FILIP1L: variants seen among roughly 807,000 people sequenced by gnomAD.
FILIP1L encodes filamin A interacting protein 1 like.
A neutral mutation model predicts 96.6 loss-of-function variants in FILIP1L; 55 were observed. The ratio of observed to expected loss-of-function variants is 0.57; its 90% CI spans 0.46 to 0.71. The LOEUF is 0.71. Among genes scored for constraint, FILIP1L ranks in the 30% least tolerant of loss-of-function variants. FILIP1L has a pLI of 0.00. For synonymous variants in FILIP1L, 467 were observed against 473.9 expected (o/e 0.99, Z 0.19); for missense variants, 1,304 against 1,321.2 (o/e 0.99, Z 0.20).
In FILIP1L at chr3:99,848,362, T is replaced by C. The variant is rs1222500442; in HGVS notation, c.3314A>G (p.Asn1105Ser). ...GATAGTAATACTGCTGGTGACTTTATTGGTTGTTTTGTTTAGTGCCCCGTT... is the reference window on the plus strand; with the variant it reads ...GATAGTAATACTGCTGGTGACTTTACTGGTTGTTTTGTTTAGTGCCCCGTT... ...LINGALNKTT[N>S]KVTSSITITP... Residue 1105 changes from asparagine to serine, a missense_variant, in exon 5 of 6, where the codon AAT becomes AGT. Asn to Ser is a conservative substitution (Grantham distance 46). Coordinates refer to ENST00000477258, the MANE Select transcript of FILIP1L (RefSeq NM_001387850.1). The C allele has an allele frequency of 1.9e-6, 3 of 1,614,182 alleles. No homozygotes were observed. Among genetic ancestry groups the C allele is most frequent in the South Asian group, 1.1e-5 (1 of 91,084 alleles).
intron 1 of FILIP1L, among the ~76,000 whole-genome samples, chr3:100,060,903 C>T (rs189362469): frequency 3.2e-4 from 48 of 152,194 alleles, no homozygotes; most frequent in African/African-American, 1.2e-3. Context: ...TCTCTTTGAG[C>T]CATACAGATC....
chr3:99,930,097 T>A lies in FILIP1L; in HGVS notation c.253-68A>T, dbSNP rs1707429799. The A allele has an allele frequency of 6.0e-6, 8 of 1,334,444 alleles. No homozygotes were observed. The South Asian group carries it at 1.2e-4, about 20-fold the overall frequency. 82.7% of individuals were successfully genotyped at this position (1,334,444 alleles called of 1,614,324 possible). On this transcript the variant is annotated intron_variant, in intron 2 of 5. Transcript: ENST00000477258. ...CAGCAGTCTCAGCAAGTGATTTTTGTGATAGTTGGCAGTGCTTTTTCTTCT... is the reference window on the plus strand; with the variant it reads ...CAGCAGTCTCAGCAAGTGATTTTTGAGATAGTTGGCAGTGCTTTTTCTTCT...
intron 1 of FILIP1L, among the ~76,000 whole-genome samples, chr3:100,058,870 G>C (rs193247376): frequency 3.2e-4 from 48 of 152,350 alleles, no homozygotes; most frequent in African/African-American, 1.2e-3. Flanking sequence ...GATGTGTTTA[G>C]TATTCTAGAA....
rs188840259 is a variant in FILIP1L, at chr3:99,983,906, A to G, written c.-10-52876T>C. On this transcript the variant is annotated intron_variant, in intron 1 of 5. Transcript: ENST00000477258. Reference sequence around the variant, plus strand: ...GTAACAGCACAGATTTGGTCACAAAACAGCCTAGAGGAAGGCCAAGAGAGG... The same window carrying G: ...GTAACAGCACAGATTTGGTCACAAAGCAGCCTAGAGGAAGGCCAAGAGAGG... Among the ~76,000 whole-genome samples, 706 of 152,250 alleles carry G rather than the reference A, an allele frequency of 4.6e-3. 2 individuals are homozygous for G. Among genetic ancestry groups the G allele is most frequent in the South Asian group, 7.0e-3 (34 of 4,824 alleles).
At chr3:100,014,869 C>CT (rs1559725848) in intron 1 of FILIP1L, among the ~76,000 whole-genome samples, 2 of 18,526 alleles carry the variant, frequency 1.1e-4, no homozygotes, top group Admixed American at 4.8e-4. Context: ...TTGTCTTTTT[C>CT]TTTTCTTTTT....
chr3:100,062,849 C>T (rs2065597868), intron 1 of FILIP1L, among the ~76,000 whole-genome samples: 1 of 152,130 alleles, frequency 6.6e-6, no homozygotes, highest in South Asian at 2.1e-4. Context: ...ATGACTAGTC[C>T]CCCAACTCTC....
At chr3:99,999,740 G>T (rs374267054) in intron 1 of FILIP1L, among the ~76,000 whole-genome samples, 48 of 152,274 alleles carry the variant, frequency 3.2e-4, no homozygotes, top group African/African-American at 1.2e-3. Context: ...GCCCTGGGTT[G>T]TTTCTCATGG....
At chr3:100,064,162 TC>T (rs1386448850) in intron 1 of FILIP1L, among the ~76,000 whole-genome samples, 2 of 152,216 alleles carry the variant, frequency 1.3e-5, no homozygotes, top group African/African-American at 4.8e-5. Flanking sequence ...CTTCAAGGGC[TC>T]TTTCCTGTTA....
intron 1 of FILIP1L, among the ~76,000 whole-genome samples, chr3:100,100,829 T>C (rs2066291233): frequency 6.6e-6 from 1 of 152,154 alleles, no homozygotes; most frequent in Non-Finnish European, 1.5e-5. Context: ...GGAGAAGGTG[T>C]CCTGGTGTCT....
chr3:100,035,700 T>G (rs985456410), intron 1 of FILIP1L, among the ~76,000 whole-genome samples: 2 of 152,242 alleles, frequency 1.3e-5, no homozygotes, highest in Non-Finnish European at 2.9e-5. Context: ...ATAGGGGTAT[T>G]TCTTGATTAC....
chr3:100,070,042 T>A (rs1252355315), intron 1 of FILIP1L, among the ~76,000 whole-genome samples: 1 of 152,196 alleles, frequency 6.6e-6, no homozygotes. Context: ...GCGTTAAAAA[T>A]TAACAGTATT....
intron 4 of FILIP1L, among the ~76,000 whole-genome samples, chr3:99,875,641 AAG>A (rs1345286205): frequency 6.6e-6 from 1 of 152,234 alleles, no homozygotes; most frequent in African/African-American, 2.4e-5. Flanking sequence ...CATTTACAAA[AAG>A]AGGGGAAAAC....
At chr3:99,982,942 A>G (rs923530043) in intron 1 of FILIP1L, among the ~76,000 whole-genome samples, 1 of 152,182 alleles carries the variant, frequency 6.6e-6, no homozygotes, top group African/African-American at 2.4e-5. Flanking sequence ...AAAGTAATAC[A>G]TACAGTGCTG....
At chr3:99,988,568 C>A (rs994622938) in intron 1 of FILIP1L, among the ~76,000 whole-genome samples, 1 of 149,398 alleles carries the variant, frequency 6.7e-6, no homozygotes, top group African/African-American at 2.5e-5. Flanking sequence ...TGAAATATAT[C>A]TTCAATTCTG....
intron 4 of FILIP1L, among the ~76,000 whole-genome samples, chr3:99,896,976 A>G (rs973213841): frequency 6.6e-6 from 1 of 152,210 alleles, no homozygotes; most frequent in Admixed American, 6.5e-5. Context: ...ATTATGGCCA[A>G]TTGGAGAAAA....
intron 1 of FILIP1L, among the ~76,000 whole-genome samples, chr3:99,946,974 A>C (rs1003442984): frequency 6.6e-6 from 1 of 151,762 alleles, no homozygotes; most frequent in Admixed American, 6.6e-5. Flanking sequence ...GCCTCTACTA[A>C]AAAAATACAA....
chr3:99,917,638 G>T (rs1326117236), intron 4 of FILIP1L, among the ~76,000 whole-genome samples: 4 of 152,122 alleles, frequency 2.6e-5, no homozygotes, highest in African/African-American at 7.2e-5. Flanking sequence ...ATAGTTATCT[G>T]GTAGATTGAT....
intron 4 of FILIP1L, among the ~76,000 whole-genome samples, chr3:99,861,583 C>G (rs1944257223): frequency 6.6e-6 from 1 of 152,150 alleles, no homozygotes; most frequent in African/African-American, 2.4e-5. Flanking sequence ...CTGCGTTCTT[C>G]TGTATCTTGT....
intron 1 of FILIP1L, among the ~76,000 whole-genome samples, chr3:99,956,514 G>A (rs966551777): frequency 6.6e-6 from 1 of 152,016 alleles, no homozygotes; most frequent in Non-Finnish European, 1.5e-5. Context: ...TACCACACTC[G>A]GCTAATGATG....
Sources: gnomAD v4.1 joint callset for allele counts (sites outside exome capture counted in the v4.1 genomes callset) on GRCh38, gnomAD v4.1.1 for gene constraint, MANE v1.5 for transcripts, NCBI Gene and HGNC (gene_info 2026-07-23, HGNC 2026-07-21) for gene names.